SNTG1: variants seen among roughly 807,000 people sequenced by gnomAD.
The protein encoded by SNTG1 is syntrophin gamma 1, also known as gamma-1-syntrophin.
Under a neutral mutation model 74.7 loss-of-function variants are expected in SNTG1, and 39 were observed. The observed-to-expected ratio is 0.52, with a 90% CI of 0.40 to 0.68. SNTG1 has a LOEUF of 0.68. Among genes scored for constraint, SNTG1 ranks in the 30% least tolerant of loss-of-function variants. The pLI is 0.00. For synonymous variants in SNTG1, 254 were observed against 217.1 expected, an observed-to-expected ratio of 1.17 and a Z score of -1.49; for missense variants, 685 against 609.5, an observed-to-expected ratio of 1.12 and a Z score of -1.30.
At chr8:50,426,979 G>A (rs1318871505) in intron 4 of SNTG1, among the ~76,000 whole-genome samples, 1 of 152,094 alleles carries the variant, frequency 6.6e-6, no homozygotes, top group Non-Finnish European at 1.5e-5. Flanking sequence ...AAGTATACCT[G>A]GAGATGTATG....
chr8:50,673,521 G>C (rs756895511), intron 15 of SNTG1, among the ~76,000 whole-genome samples: 17 of 152,088 alleles, frequency 1.1e-4, no homozygotes, highest in Admixed American at 8.5e-4. Context: ...TTTGCAAATG[G>C]ATTTTGTATG....
chr8:50,594,397 A>T (rs1563623994), intron 13 of SNTG1, among the ~76,000 whole-genome samples: 1 of 152,174 alleles, frequency 6.6e-6, no homozygotes, highest in Admixed American at 6.5e-5. Flanking sequence ...TTAATTTGTC[A>T]TTAAAATATT....
At chr8:50,259,323 A>T (rs2087039691) in intron 2 of SNTG1, among the ~76,000 whole-genome samples, 1 of 151,938 alleles carries the variant, frequency 6.6e-6, no homozygotes, top group African/African-American at 2.4e-5. Context: ...ACATGGCAAA[A>T]TTCTGTCTTT....
In SNTG1 at chr8:50,509,492, T is replaced by A. The variant is rs1366502630; in HGVS notation, c.466+6612T>A. Among the ~76,000 whole-genome samples the A allele has an allele frequency of 2.0e-5, 3 of 152,226 alleles. No homozygotes were observed. The East Asian group carries it at 5.8e-4, about 29-fold the overall frequency. The stretch of plus-strand genomic sequence containing the variant: ...CTTGATGGGGATGGCATTGAATCTA[T>A]AAATTACCTTGGGCAGTATGGCCAT... On this transcript the variant is annotated intron_variant, in intron 9 of 18. Transcript: ENST00000642720.
intron 2 of SNTG1, among the ~76,000 whole-genome samples, chr8:50,266,424 A>C (rs2087469864): frequency 6.6e-6 from 1 of 152,024 alleles, no homozygotes; most frequent in South Asian, 2.1e-4. Context: ...AATCATAAAC[A>C]AAAGTTAACT....
At chr8:50,648,417 A>C (rs113972816) in intron 13 of SNTG1, among the ~76,000 whole-genome samples, 156 of 152,278 alleles carry the variant, frequency 1.0e-3, no homozygotes, top group African/African-American at 3.5e-3. Context: ...GCCAAAACAG[A>C]GGAGTCATTA....
chr8:50,305,522 T>G (rs2130706517), intron 2 of SNTG1, among the ~76,000 whole-genome samples: 1 of 59,152 alleles, frequency 1.7e-5, no homozygotes, highest in Admixed American at 2.4e-4. Flanking sequence ...TTGTTTGTGC[T>G]TATGTGTGTG....
chr8:50,056,047 G>A (rs989341309), intron 1 of SNTG1, among the ~76,000 whole-genome samples: 23 of 151,944 alleles, frequency 1.5e-4, no homozygotes, highest in Non-Finnish European at 2.2e-4. Context: ...TCACCTTTCC[G>A]TACATGCATT....
intron 13 of SNTG1, among the ~76,000 whole-genome samples, chr8:50,625,580 A>G (rs990352317): frequency 2.6e-5 from 4 of 152,204 alleles, no homozygotes; most frequent in African/African-American, 9.7e-5. Context: ...ATTGTCAGTT[A>G]CTTTTGTTTC....
At chr8:50,017,180 T>C (rs540880367) in intron 1 of SNTG1, among the ~76,000 whole-genome samples, 40 of 152,228 alleles carry the variant, frequency 2.6e-4, no homozygotes, top group African/African-American at 9.4e-4. Context: ...TAGGTCAATA[T>C]CTTTCTGTTT....
intron 9 of SNTG1, among the ~76,000 whole-genome samples, chr8:50,507,163 C>T (rs2094013914): frequency 6.6e-6 from 1 of 151,718 alleles, no homozygotes; most frequent in Non-Finnish European, 1.5e-5. Context: ...ACCATCCTTG[C>T]ATTTCAGGAA....
chr8:50,250,368 C>T (rs2086593826), intron 2 of SNTG1, among the ~76,000 whole-genome samples: 1 of 151,912 alleles, frequency 6.6e-6, no homozygotes, highest in Non-Finnish European at 1.5e-5. Flanking sequence ...ATACAAGTGC[C>T]ACAGAAAAAG....
chr8:49,988,022 T>C (rs318910), intron 1 of SNTG1, among the ~76,000 whole-genome samples: 135,072 of 152,128 alleles, frequency 0.89, 60,211 homozygotes, highest in East Asian at 1. Flanking sequence ...GTCAAAAGAG[T>C]TCTATTAAAA....
chr8:49,966,312 G>T (rs1330924619), intron 1 of SNTG1, among the ~76,000 whole-genome samples: 2 of 151,990 alleles, frequency 1.3e-5, no homozygotes, highest in Non-Finnish European at 2.9e-5. Flanking sequence ...AATACAGTCA[G>T]TACTTTAAGT....
chr8:50,138,066 A>T (rs1199729798), intron 1 of SNTG1, among the ~76,000 whole-genome samples: 1 of 152,070 alleles, frequency 6.6e-6, no homozygotes, highest in Non-Finnish European at 1.5e-5. Flanking sequence ...AAGCTAAGAA[A>T]CCTATCTAGT....
At chr8:50,674,036 A>G (rs566533525) in intron 15 of SNTG1, among the ~76,000 whole-genome samples, 2 of 152,248 alleles carry the variant, frequency 1.3e-5, no homozygotes, top group East Asian at 3.9e-4. Context: ...TGACTTGATC[A>G]TGGTGGGTAA....
intron 1 of SNTG1, among the ~76,000 whole-genome samples, chr8:50,104,069 G>A (rs964790355): frequency 6.6e-6 from 1 of 152,112 alleles, no homozygotes; most frequent in Admixed American, 6.6e-5. Flanking sequence ...GATGATGCTG[G>A]CCTCATAAAA....
intron 2 of SNTG1, among the ~76,000 whole-genome samples, chr8:50,230,673 T>C (rs1180927053): frequency 6.6e-6 from 1 of 151,256 alleles, no homozygotes; most frequent in Non-Finnish European, 1.5e-5. Flanking sequence ...TTAATAAACG[T>C]TGTAGAGAAA....
rs140017860 is a variant in SNTG1, at chr8:50,016,081, G to A, written c.-103+103850G>A. ...ACTACTCAGATGTAATGGTTTCACAGGGATTCAGAAAGCTGTAGTGGATCA... is the reference window on the plus strand; with the variant it reads ...ACTACTCAGATGTAATGGTTTCACAAGGATTCAGAAAGCTGTAGTGGATCA... On this transcript the variant is annotated intron_variant, in intron 1 of 18. Transcript: ENST00000642720. Among the ~76,000 whole-genome samples, 891 of 152,154 alleles carry A rather than the reference G, an allele frequency of 5.9e-3. 10 individuals carry two copies. Among genetic ancestry groups the A allele is most frequent in the African/African-American group, 0.02 (831 of 41,524 alleles).
Sources: allele counts gnomAD v4.1 joint callset (sites outside exome capture counted in the v4.1 genomes callset), GRCh38; gene constraint gnomAD v4.1.1; transcripts MANE v1.5; gene names NCBI Gene and HGNC (gene_info 2026-07-23, HGNC 2026-07-21).